Variants in PHACTR1 observed in about 807,000 individuals in gnomAD.
The protein encoded by PHACTR1 is RPEL repeat containing 1.
In PHACTR1, 16 loss-of-function variants were observed where a neutral mutation model predicts 69.2. The observed-to-expected ratio is 0.23, with a 90% CI of 0.16 to 0.35. The LOEUF (loss-of-function observed/expected upper bound fraction) is 0.35. PHACTR1 is among the 10% of genes least tolerant of loss of function. PHACTR1 has a pLI of 1.00. For missense variants in PHACTR1, 510 were observed against 734.7 expected (o/e 0.69, Z 3.54); for synonymous variants, 312 against 284.5 (o/e 1.10, Z -0.97).
At chr6:13,178,611 A>G (rs1042035250) in intron 6 of PHACTR1, among the ~76,000 whole-genome samples, 11 of 152,200 alleles carry the variant, frequency 7.2e-5, no homozygotes, top group African/African-American at 2.4e-4. Flanking sequence ...TTTGAGAACC[A>G]CTGTCTTAAC....
chr6:13,228,687 C>A (rs1770241505), intron 9 of PHACTR1, among the ~76,000 whole-genome samples: 1 of 152,168 alleles, frequency 6.6e-6, no homozygotes, highest in African/African-American at 2.4e-5. Context: ...GTACTGTGTG[C>A]CTGACAATGG....
chr6:13,022,666 T>TA (rs201078402), intron 4 of PHACTR1, among the ~76,000 whole-genome samples: 22,970 of 141,546 alleles, frequency 0.16, 5,117 homozygotes, highest in African/African-American at 0.51. Context: ...TCTCTGGCCT[T>TA]AAAAAAAAAA....
In PHACTR1 at chr6:13,002,250, C is replaced by A. The variant is rs73723324; in HGVS notation, c.251-51115C>A. Among the ~76,000 whole-genome samples, 246 of 152,310 alleles carry A rather than the reference C, an allele frequency of 1.6e-3. 1 individual carries two copies. Among genetic ancestry groups the A allele is most frequent in the African/African-American group, 5.7e-3 (238 of 41,572 alleles). On this transcript the variant is annotated intron_variant, in intron 4 of 14. Transcript: ENST00000332995. The stretch of plus-strand genomic sequence containing the variant: ...TGCCTGCTCTATTAGCTCAGCTATC[C>A]TATTTCTTTCACGGCCTGGCAAAAT...
intron 4 of PHACTR1, among the ~76,000 whole-genome samples, chr6:13,024,080 GA>G (rs59385709): frequency 0.013 from 1,749 of 131,172 alleles, 30 homozygotes; most frequent in African/African-American, 0.038. Context: ...CTGTCTCAAA[GA>G]AAAAAAAAAA....
At chr6:12,993,390 C>G (rs940998272) in intron 4 of PHACTR1, among the ~76,000 whole-genome samples, 5 of 152,114 alleles carry the variant, frequency 3.3e-5, no homozygotes, top group African/African-American at 1.2e-4. Context: ...TTGAGAGAGA[C>G]AAACACGTAA....
At chr6:12,720,447 G>A (rs908405581) in intron 3 of PHACTR1, among the ~76,000 whole-genome samples, 1 of 152,334 alleles carries the variant, frequency 6.6e-6, no homozygotes, top group South Asian at 2.1e-4. Context: ...GTGTGTGGGA[G>A]GCTCGGGAGG....
At chr6:12,752,646 A>G (rs1174043865) in intron 4 of PHACTR1, among the ~76,000 whole-genome samples, 5 of 152,232 alleles carry the variant, frequency 3.3e-5, no homozygotes, top group Admixed American at 2.6e-4. Flanking sequence ...CTAATCGTCC[A>G]GTTGCCAAAT....
intron 4 of PHACTR1, among the ~76,000 whole-genome samples, chr6:13,013,834 T>G (rs1799761135): frequency 6.9e-6 from 1 of 145,788 alleles, no homozygotes; most frequent in African/African-American, 2.5e-5. Context: ...GGGGCGCGAG[T>G]GGCAGCGCGC....
chr6:12,729,692 A>G (rs559174845), intron 3 of PHACTR1, among the ~76,000 whole-genome samples: 15 of 152,340 alleles, frequency 9.8e-5, no homozygotes, highest in Non-Finnish European at 1.8e-4. Flanking sequence ...GTCTGCTTTT[A>G]TAGAGATCAT....
At chr6:12,888,072 C>CAAAAAAAA (rs33925347) in intron 4 of PHACTR1, among the ~76,000 whole-genome samples, 4 of 71,906 alleles carry the variant, frequency 5.6e-5, no homozygotes, top group Non-Finnish European at 7.3e-5. Context: ...GACTCCATCT[C>CAAAAAAAA]AAAAAAAAAA....
chr6:13,046,864 T>A (rs1462135506), intron 4 of PHACTR1, among the ~76,000 whole-genome samples: 1 of 151,876 alleles, frequency 6.6e-6, no homozygotes, highest in African/African-American at 2.4e-5. Flanking sequence ...TAATCAATTC[T>A]AGGTTGTCAG....
intron 10 of PHACTR1, among the ~76,000 whole-genome samples, chr6:13,264,583 G>A (rs1776352059): frequency 6.6e-6 from 1 of 152,194 alleles, no homozygotes; most frequent in Non-Finnish European, 1.5e-5. Flanking sequence ...AGCTGGTGTG[G>A]TGGCATGTGC....
chr6:13,072,152 A>G lies in PHACTR1; in HGVS notation c.415+18623A>G, dbSNP rs149672553. ...CTTGATAGAAGTAGGTCAGATATTT[A>G]CAAGGATACTCATAATAACGTGCCA... is the stretch of plus-strand genomic sequence containing the variant. On this transcript the variant is annotated intron_variant, in intron 5 of 14. Transcript: ENST00000332995. 2.3e-4 allele frequency among the ~76,000 whole-genome samples: 35 copies of G among 152,326 alleles called. No individual in the cohort carries two copies. In the East Asian group the frequency reaches 6.0e-3, roughly 26 times the overall value.
At chr6:13,286,361 G>A (rs138926915) in intron 14 of PHACTR1, 139 bp downstream of exon 14, 24 of 689,412 alleles carry the variant, frequency 3.5e-5, no homozygotes, top group African/African-American at 9.3e-5. Context: ...GCAGGCATGC[G>A]GTTCCACTTT....
rs566962737 is a variant in PHACTR1 at position 13,100,481 on chromosome 6, C to T, written c.415+46952C>T. On this transcript the variant is annotated intron_variant, in intron 5 of 14. Coordinates refer to ENST00000332995, the MANE Select transcript of PHACTR1 (RefSeq NM_030948.6). ...AAATTTCTTTTTTCAGCTCTCCACT[C>T]GCTCACCTCCAAAACTCTCTGTCTC... is the stretch of plus-strand genomic sequence containing the variant. Among the ~76,000 whole-genome samples the T allele has an allele frequency of 7.2e-5, 11 of 152,240 alleles. No homozygotes were observed. The South Asian group carries it at 1.0e-3, about 14-fold the overall frequency.
intron 4 of PHACTR1, among the ~76,000 whole-genome samples, chr6:12,785,967 G>A (rs532326458): frequency 1.3e-5 from 2 of 152,064 alleles, no homozygotes. Flanking sequence ...AATTTCAACG[G>A]TTATATTGTG....
At chr6:12,748,847 C>T (rs1766154981) in intron 3 of PHACTR1, among the ~76,000 whole-genome samples, 1 of 152,208 alleles carries the variant, frequency 6.6e-6, no homozygotes, top group South Asian at 2.1e-4. Context: ...CATGCATATA[C>T]CTACTTTACA....
intron 4 of PHACTR1, among the ~76,000 whole-genome samples, chr6:12,875,425 C>A (rs1242388752): frequency 6.6e-6 from 1 of 152,200 alleles, no homozygotes; most frequent in Admixed American, 6.5e-5. Context: ...CTCTGAAAAG[C>A]AGAATTAGGT....
intron 3 of PHACTR1, among the ~76,000 whole-genome samples, chr6:12,721,714 T>A (rs2127557646): frequency 6.6e-6 from 1 of 152,296 alleles, no homozygotes; most frequent in East Asian, 1.9e-4. Context: ...TTACCATTAC[T>A]TGGGGCTTGG....
Sources: gnomAD v4.1 joint callset for allele counts (sites outside exome capture counted in the v4.1 genomes callset) on GRCh38, gnomAD v4.1.1 for gene constraint, MANE v1.5 for transcripts, NCBI Gene and HGNC (gene_info 2026-07-23, HGNC 2026-07-21) for gene names.